The following CREM variants were observed in gnomAD, a reference collection of about 807,000 sequenced individuals.
CREM encodes cAMP responsive element modulator.
CREM carries 13 observed loss-of-function variants against 37.3 expected under a neutral mutation model. That is an observed-to-expected ratio of 0.35 (90% CI 0.23 to 0.55). CREM has a LOEUF of 0.55. Ranked by LOEUF, CREM falls within the 20% of genes least tolerant of loss-of-function variation. The probability of loss-of-function intolerance (pLI) is 0.88; values close to 1 mark genes in which losing one functional copy is unlikely to be tolerated. For missense variants in CREM, 296 were observed against 362.3 expected (o/e 0.82, Z 1.49); for synonymous variants, 124 against 120.2 (o/e 1.03, Z -0.21).
At chr10:35,178,801 T>C (rs1285544338) in intron 3 of CREM, 88 bp from the exon 4 acceptor site, 6 of 981,726 alleles carry the variant, frequency 6.1e-6, no homozygotes, top group South Asian at 5.0e-5. Flanking sequence ...GGCTCAGTGC[T>C]GCACACACAG....
intron 6 of CREM, chr10:35,196,349 G>A (rs2095167654): frequency 5.9e-6 from 3 of 505,398 alleles, no homozygotes; most frequent in Middle Eastern, 4.0e-4. Context: ...GTAACAAAGA[G>A]TGATTTTGGA....
intron 1 of CREM, among the ~76,000 whole-genome samples, chr10:35,134,967 C>T (rs528093423): frequency 1.9e-4 from 28 of 151,134 alleles, no homozygotes; most frequent in African/African-American, 6.6e-4. Flanking sequence ...GAACCTGGGA[C>T]GTGGATTTTG....
intron 2 of CREM, among the ~76,000 whole-genome samples, chr10:35,145,668 A>G (rs1482325253): frequency 1.3e-5 from 2 of 150,922 alleles, no homozygotes; most frequent in African/African-American, 2.4e-5. Context: ...AATCCCAGCT[A>G]CGTGGGAGGC....
At chr10:35,175,378 A>G (rs1255992812) in intron 3 of CREM, among the ~76,000 whole-genome samples, 2 of 152,132 alleles carry the variant, frequency 1.3e-5, no homozygotes, top group South Asian at 2.1e-4. Context: ...CCTGGGAGGT[A>G]GAGCTTGCAG....
intron 3 of CREM, among the ~76,000 whole-genome samples, chr10:35,150,359 A>G (rs772698437): frequency 1.3e-5 from 2 of 150,810 alleles, no homozygotes; most frequent in Non-Finnish European, 3.0e-5. Context: ...TTCTGACTCT[A>G]CTTCCTTCTA....
chr10:35,137,950 A>C, intron 2 of CREM, 71 bp downstream of exon 2: 1 of 1,203,882 alleles, frequency 8.3e-7, no homozygotes, highest in Non-Finnish European at 1.2e-6. Context: ...GAATAAATTG[A>C]TATATAGATG....
In CREM at chr10:35,178,892, G is replaced by C; in HGVS notation, c.172G>C (p.Ala58Pro). The C allele has an allele frequency of 6.2e-7, 1 of 1,606,306 alleles. No homozygotes were observed. The highest frequency in any genetic ancestry group is 8.5e-7 in the Non-Finnish European group (1 of 1,176,368). ...QNSIPALAQV[A>P]AIAETDESAE... ...TTCAGAAAATCTTGTATTATAGGTA[G>C]CAGCAATTGCAGAGACAGATGAATC... The change falls in exon 4 of 8, where the codon GCA (alanine) becomes CCA (proline). Residue 58 changes from alanine to proline, a missense_variant. Ala to Pro is a conservative substitution (Grantham distance 27, BLOSUM62 -1). This residue lies in a region of CREM where 257 missense variants were observed against 280.2 expected (regional missense o/e 0.92). Coordinates refer to ENST00000685392, the MANE Select transcript of CREM (RefSeq NM_183011.2).
chr10:35,147,856 A>G lies in CREM; in HGVS notation c.45-512A>G, dbSNP rs2092290882. Among the ~76,000 whole-genome samples the G allele has an allele frequency of 2.0e-5, 3 of 152,338 alleles. No individual in the cohort carries two copies. The East Asian group carries it at 5.8e-4, about 29-fold the overall frequency. On this transcript the variant is annotated intron_variant, in intron 2 of 7. Coordinates refer to ENST00000685392, the MANE Select transcript of CREM (RefSeq NM_183011.2). ...TAATGTTCATATTCAGTGAGCAGAA[A>G]AGAAAAGATGAGAGAGTTAGGACTC...
chr10:35,157,716 G>T (rs1426908640), intron 3 of CREM, among the ~76,000 whole-genome samples: 2 of 151,126 alleles, frequency 1.3e-5, no homozygotes, highest in African/African-American at 2.4e-5. Context: ...CCTAGCCAGA[G>T]CAATTAGGCA....
At chr10:35,185,673 A>G (rs558663469) in intron 5 of CREM, among the ~76,000 whole-genome samples, 98 of 152,316 alleles carry the variant, frequency 6.4e-4, no homozygotes, top group African/African-American at 2.2e-3. Context: ...TTGGAAAGCC[A>G]TGGTTTAAAA....
In CREM at chr10:35,207,197, C is replaced by G. The variant is rs375054173; in HGVS notation, c.755+146C>G. The G allele has an allele frequency of 2.8e-4, 220 of 775,688 alleles. No homozygotes were observed. The East Asian group carries it at 2.9e-3, about 10-fold the overall frequency. The allele number at this position is 775,688 out of a possible 1,614,324, so 48.1% of individuals were successfully genotyped here. On this transcript the variant is annotated intron_variant, in intron 7 of 7. Coordinates refer to ENST00000685392, the MANE Select transcript of CREM (RefSeq NM_183011.2). ...CACAGGGTCAGGAGATCAAGACCAT[C>G]CTGGCTAACACGGTGAAACCCCATC... is the stretch of plus-strand genomic sequence containing the variant.
Position 35,211,628 on chromosome 10 carries a change from T to G in CREM, c.*230T>G. Reference sequence around the variant, plus strand: ...TCAATAGCATGCAAAAAATGCTTTGTTTGCCCTTTGCTTCTGCTTTTTTTC... The same window carrying G: ...TCAATAGCATGCAAAAAATGCTTTGGTTGCCCTTTGCTTCTGCTTTTTTTC... On this transcript the variant is annotated 3_prime_UTR_variant, in exon 8 of 8. Coordinates refer to ENST00000685392, the MANE Select transcript of CREM (RefSeq NM_183011.2). The G allele has an allele frequency of 6.2e-7, 1 of 1,605,418 alleles. No individual in the cohort carries two copies. The highest frequency in any genetic ancestry group is 8.5e-7 in the Non-Finnish European group (1 of 1,176,242).
At chr10:35,172,320 T>C (rs901642553) in intron 3 of CREM, among the ~76,000 whole-genome samples, 4 of 152,156 alleles carry the variant, frequency 2.6e-5, no homozygotes, top group African/African-American at 9.7e-5. Flanking sequence ...TAGTGTGGAA[T>C]AGCTGTTTTC....
chr10:35,140,650 T>TA (rs777450996), intron 2 of CREM, among the ~76,000 whole-genome samples: 1 of 152,202 alleles, frequency 6.6e-6, no homozygotes, highest in Non-Finnish European at 1.5e-5. Context: ...ACACAAGTGT[T>TA]ATAACAGACT....
In CREM at chr10:35,190,793, C is replaced by T. The variant is rs899877498; in HGVS notation, c.598+2405C>T. 2.6e-5 allele frequency among the ~76,000 whole-genome samples: 4 copies of T among 152,102 alleles called. No individual in the cohort carries two copies. In the East Asian group the frequency reaches 7.7e-4, roughly 29 times the overall value. On this transcript the variant is annotated intron_variant, in intron 6 of 7. Transcript: ENST00000685392. The stretch of plus-strand genomic sequence containing the variant: ...TCTTCTGCCTCAGCCTCCCAAGTAG[C>T]TGGGACTACAGGCGCCTGCCACCAT...
Position 35,165,056 on chromosome 10 carries a change from C to CAAAAAAAA in CREM, c.169-13818_169-13811dup, listed in dbSNP as rs60898349. The stretch of plus-strand genomic sequence containing the variant: ...TGGGCCACAGAGCGAGGCTCCATCT[C>CAAAAAAAA]AAAAAAAAAAAAAAAAAAAAAAGAA... On this transcript the variant is annotated intron_variant, in intron 3 of 7. Transcript: ENST00000685392. Among the ~76,000 whole-genome samples, 200 of 74,778 alleles carry CAAAAAAAA rather than the reference C, an allele frequency of 2.7e-3. 3 individuals carry two copies. The highest frequency in any genetic ancestry group is 0.017 in the East Asian group (47 of 2,778). The allele number at this position is 74,778 out of a possible 152,430, so 49.1% of individuals were successfully genotyped here.
intron 3 of CREM, among the ~76,000 whole-genome samples, chr10:35,162,163 C>A (rs1301586072): frequency 6.6e-6 from 1 of 152,122 alleles, no homozygotes; most frequent in Non-Finnish European, 1.5e-5. Context: ...AGTGAATAAG[C>A]CAGGCCCAGA....
At chr10:35,172,469 A>G (rs555210880) in intron 3 of CREM, among the ~76,000 whole-genome samples, 1 of 152,054 alleles carries the variant, frequency 6.6e-6, no homozygotes, top group South Asian at 2.1e-4. Flanking sequence ...TGGTGCAAAA[A>G]CAGTGGTGGT....
At chr10:35,164,608 G>A (rs2093447821) in intron 3 of CREM, among the ~76,000 whole-genome samples, 2 of 152,180 alleles carry the variant, frequency 1.3e-5, no homozygotes, top group African/African-American at 2.4e-5. Flanking sequence ...AGATTTCATG[G>A]TAAGACCAAA....
Sources: gnomAD v4.1 joint callset for allele counts (sites outside exome capture counted in the v4.1 genomes callset) on GRCh38, gnomAD v4.1.1 for gene constraint, gnomAD v4.1.1 regional missense constraint, MANE v1.5 for transcripts, NCBI Gene and HGNC (gene_info 2026-07-23, HGNC 2026-07-21) for gene names.